Variants in DNAH6 observed in about 807,000 individuals in gnomAD.
The protein encoded by DNAH6 is axonemal beta dynein heavy chain 6.
In DNAH6, 340 loss-of-function variants were observed where a neutral mutation model predicts 491.4. The ratio of observed to expected loss-of-function variants is 0.69; its 90% CI spans 0.63 to 0.76. DNAH6 has a LOEUF of 0.76. DNAH6 is among the 30% of genes least tolerant of loss of function. The pLI, the probability that DNAH6 is intolerant of heterozygous loss-of-function variation, is 0.00. For synonymous variants in DNAH6, 1,603 were observed against 1,686.1 expected, an observed-to-expected ratio of 0.95 and a Z score of 1.21; for missense variants, 4,443 against 4,972.2, an observed-to-expected ratio of 0.89 and a Z score of 3.20.
At chr2:84,574,316 T>A (rs968431761) in intron 12 of DNAH6, among the ~76,000 whole-genome samples, 2 of 152,174 alleles carry the variant, frequency 1.3e-5, no homozygotes, top group African/African-American at 4.8e-5. Flanking sequence ...TTCCTTATTG[T>A]TTACTATGCT....
chr2:84,501,387 A>C, the DNAH6 span, among the ~76,000 whole-genome samples: 1 of 152,004 alleles, frequency 6.6e-6, no homozygotes, highest in African/African-American at 2.4e-5. Flanking sequence ...CTTGGTTGTA[A>C]TGAATGATCT....
chr2:84,512,286 A>G (rs1367389951), upstream of DNAH6, among the ~76,000 whole-genome samples: 1 of 152,184 alleles, frequency 6.6e-6, no homozygotes, highest in Non-Finnish European at 1.5e-5. Flanking sequence ...TTGAGAGGCC[A>G]GTGGCATCTG....
chr2:84,656,252 G>A (rs1055253081), intron 35 of DNAH6, among the ~76,000 whole-genome samples: 5 of 152,102 alleles, frequency 3.3e-5, no homozygotes, highest in African/African-American at 7.2e-5. Flanking sequence ...CTCTTAATAA[G>A]CATTAATGTG....
chr2:84,664,425 CA>C (rs920344009), intron 37 of DNAH6, among the ~76,000 whole-genome samples: 3 of 149,066 alleles, frequency 2.0e-5, no homozygotes, highest in African/African-American at 4.9e-5. Flanking sequence ...AAATAGAAAA[CA>C]AAAAAAAAGC....
Position 84,547,411 on chromosome 2 carries a change from T to C in DNAH6, c.1065+9T>C, listed in dbSNP as rs1558692714. On this transcript the variant is annotated intron_variant, in intron 6 of 76. Transcript: ENST00000389394. ...TCATACGGCTAGCAGAGGTAACAAA[T>C]TTTGTCTATAAGAATCAAAGCTTTT... The C allele has an allele frequency of 6.4e-7, 1 of 1,551,508 alleles. No individual in the cohort carries two copies.
Position 84,552,979 on chromosome 2 carries a change from A to G in DNAH6, c.1547A>G (p.Glu516Gly). The G allele has an allele frequency of 6.2e-7, 1 of 1,612,338 alleles. No individual in the cohort carries two copies. The highest frequency in any genetic ancestry group is 8.5e-7 in the Non-Finnish European group (1 of 1,179,346). ...DESLIPMFLT[E>G]LMLTVQSLLF... ...TCTCTCATCCCCATGTTTCTCACAG[A>G]ACTAATGTTGACAGTCCAGTCACTG... is the stretch of plus-strand genomic sequence containing the variant. The change falls in exon 10 of 77, where the codon GAA (glutamate) becomes GGA (glycine). Residue 516 changes from glutamate to glycine, a missense_variant. Glu to Gly is a moderately conservative substitution (Grantham distance 98). This residue lies in a region of DNAH6 where 2,977 missense variants were observed against 3,296.6 expected (regional missense o/e 0.90). Coordinates refer to ENST00000389394, the MANE Select transcript of DNAH6 (RefSeq NM_001370.2).
chr2:84,492,297 A>G, the DNAH6 span, among the ~76,000 whole-genome samples: 1 of 152,120 alleles, frequency 6.6e-6, no homozygotes, highest in Non-Finnish European at 1.5e-5. Context: ...CTTCTGTTTT[A>G]CTCATTCCAG....
chr2:84,563,566 GTTGAT>G (rs1471909581), intron 11 of DNAH6, among the ~76,000 whole-genome samples: 3 of 152,080 alleles, frequency 2.0e-5, no homozygotes, highest in Non-Finnish European at 4.4e-5. Flanking sequence ...TTTTTTGCTT[GTTGAT>G]TTAAGTTTTT....
intron 45 of DNAH6, among the ~76,000 whole-genome samples, chr2:84,688,887 A>C (rs775385400): frequency 6.6e-6 from 1 of 152,218 alleles, no homozygotes; most frequent in South Asian, 2.1e-4. Flanking sequence ...ACAGAGATAC[A>C]TGTACGGTAT....
At chr2:84,648,781 A>T (rs1690137217) in intron 33 of DNAH6, among the ~76,000 whole-genome samples, 4 of 152,242 alleles carry the variant, frequency 2.6e-5, no homozygotes, top group Admixed American at 2.6e-4. Flanking sequence ...AACGTTGTTA[A>T]AATGACAACA....
At chr2:84,665,356 G>A (rs1691996038) in intron 37 of DNAH6, among the ~76,000 whole-genome samples, 1 of 152,020 alleles carries the variant, frequency 6.6e-6, no homozygotes, top group Non-Finnish European at 1.5e-5. Context: ...CCACTAGCAA[G>A]ACTAATAAAG....
At position 84,816,035 on chromosome 2, in the gene DNAH6, T is replaced by C; in HGVS notation, c.12325T>C (p.Cys4109Arg). 1 of 1,551,752 alleles carries C rather than the reference T, an allele frequency of 6.4e-7. No individual in the cohort carries two copies. The highest frequency in any genetic ancestry group is 8.7e-7 in the Non-Finnish European group (1 of 1,147,004). The change falls in exon 76 of 77, where the codon TGC (cysteine) becomes CGC (arginine). Residue 4109 changes from cysteine to arginine, a missense_variant. Physicochemically the swap from Cys to Arg is radical, Grantham distance 180 (BLOSUM62 -3). This residue lies in a region of DNAH6 where 1,463 missense variants were observed against 1,656.6 expected (regional missense o/e 0.88). Transcript: ENST00000389394. The part of the protein sequence containing the change: ...NYKPSPTLYH[C>R]PLYKTGARAG... Reference sequence around the variant, plus strand: ...TAAGCCAAGCCCAACACTTTACCACTGCCCACTTTATAAAACAGGAGCCCG... The same window carrying C: ...TAAGCCAAGCCCAACACTTTACCACCGCCCACTTTATAAAACAGGAGCCCG...
chr2:84,631,710 A>G (rs959508238), intron 29 of DNAH6, among the ~76,000 whole-genome samples: 1 of 152,192 alleles, frequency 6.6e-6, no homozygotes, highest in African/African-American at 2.4e-5. Context: ...ACCAAGAGGC[A>G]AGAAAGAATC....
At chr2:84,497,842 A>G in the DNAH6 span, among the ~76,000 whole-genome samples, 2 of 152,226 alleles carry the variant, frequency 1.3e-5, no homozygotes, top group Non-Finnish European at 2.9e-5. Flanking sequence ...ATCTGGGCAA[A>G]CTGGCAATAG....
In DNAH6 at chr2:84,557,748, G is replaced by A. The variant is rs765222767; in HGVS notation, c.1616G>A (p.Gly539Asp). The change falls in exon 11 of 77, where the codon GGT (glycine) becomes GAT (aspartate). Residue 539 changes from glycine to aspartate, a missense_variant. By Grantham distance (94) the Gly-to-Asp change is moderately conservative. Around this residue, in one of 3 missense-constraint regions of DNAH6, gnomAD observed 2,977 missense variants for 3,296.6 expected, o/e 0.90. Transcript: ENST00000389394. Reference sequence around the variant, plus strand: ...TCTCTTTAACAGGATGGTATTTTGGGTGCAGTTAATCACTGTCAAAACACT... The same window carrying A: ...TCTCTTTAACAGGATGGTATTTTGGATGCAGTTAATCACTGTCAAAACACT... ...SLEDFLDGIL[G>D]AVNHCQNTVL... The A allele has an allele frequency of 9.4e-6, 15 of 1,587,418 alleles. No homozygotes were observed. The South Asian group carries it at 1.4e-4, about 14-fold the overall frequency.
intron 54 of DNAH6, among the ~76,000 whole-genome samples, chr2:84,708,801 A>G (rs1344288144): frequency 1.3e-5 from 2 of 152,204 alleles, no homozygotes; most frequent in Non-Finnish European, 2.9e-5. Flanking sequence ...ATAAAACCTG[A>G]TATAATACTC....
In DNAH6 at chr2:84,694,361, T is replaced by C; in HGVS notation, c.7405T>C (p.Leu2469=). The C allele has an allele frequency of 6.4e-7, 1 of 1,552,440 alleles. No individual in the cohort carries two copies. Among genetic ancestry groups the C allele is most frequent in the Non-Finnish European group, 8.7e-7 (1 of 1,147,148 alleles). The change falls in exon 46 of 77, where the codon TTG becomes CTG. Residue 2469 remains leucine (L), a synonymous_variant. Coordinates refer to ENST00000389394, the MANE Select transcript of DNAH6 (RefSeq NM_001370.2). ...LAAHICGYKC[L]QIELSRGYNY... ...AGCTCATATATGCGGTTACAAATGT[T>C]TGCAGATTGAACTCAGCCGGGGATA...
At chr2:84,622,874 C>T (rs1687525546) in intron 26 of DNAH6, among the ~76,000 whole-genome samples, 1 of 152,138 alleles carries the variant, frequency 6.6e-6, no homozygotes, top group African/African-American at 2.4e-5. Flanking sequence ...GTCACCCTAA[C>T]AGTTATGAGG....
chr2:84,657,685 C>T (rs1691107364), intron 35 of DNAH6, among the ~76,000 whole-genome samples: 1 of 151,886 alleles, frequency 6.6e-6, no homozygotes, highest in Admixed American at 6.6e-5. Flanking sequence ...CTATAATTAC[C>T]TATGAGTTCC....
Sources: gnomAD v4.1 joint callset for allele counts (sites outside exome capture counted in the v4.1 genomes callset) on GRCh38, gnomAD v4.1.1 for gene constraint, gnomAD v4.1.1 regional missense constraint, MANE v1.5 for transcripts, NCBI Gene and HGNC (gene_info 2026-07-23, HGNC 2026-07-21) for gene names.